Variants in NID1 observed in about 807,000 individuals in gnomAD.
NID1 encodes the protein nidogen-1.
A neutral mutation model predicts 130.6 loss-of-function variants in NID1; 76 were observed. That is an observed-to-expected ratio of 0.58 (90% confidence interval 0.48 to 0.70). The LOEUF is 0.70. Among genes scored for constraint, NID1 ranks in the 30% least tolerant of loss-of-function variants. The probability of loss-of-function intolerance (pLI) is 0.00; values close to 1 mark genes in which losing one functional copy is unlikely to be tolerated. For missense variants in NID1, 1,517 were observed against 1,664.8 expected, an observed-to-expected ratio of 0.91 and a Z score of 1.54; for synonymous variants, 665 against 675.1, an observed-to-expected ratio of 0.98 and a Z score of 0.23.
chr1:236,042,283 G>T lies in NID1; in HGVS notation c.762C>A (p.Asn254Lys), dbSNP rs746110127. ...ESVENLAKSS[N>K]SGQQGVWVFE... is the part of the protein sequence containing the mutation. Reference sequence around the variant, plus strand: ...ACACCCAGACACCCTGCTGCCCAGAGTTACTACTCCTAGGAGGAAGGACAG... The same window carrying T: ...ACACCCAGACACCCTGCTGCCCAGATTTACTACTCCTAGGAGGAAGGACAG... Residue 254 changes from asparagine (N) to lysine (K), a missense_variant, in exon 4 of 20, where the codon AAC (asparagine) becomes AAA (lysine). Asn to Lys is a moderately conservative substitution (Grantham distance 94). Around this residue, in one of 3 missense-constraint regions of NID1, gnomAD observed 1,329 missense variants for 1,429.2 expected, o/e 0.93. Transcript: ENST00000264187. The T allele has an allele frequency of 2.0e-5, 32 of 1,602,556 alleles. No individual in the cohort carries two copies. The highest frequency in any genetic ancestry group is 2.6e-5 in the Non-Finnish European group (31 of 1,179,676).
At chr1:236,029,459 G>T in intron 7 of NID1, 91 bp downstream of exon 7, 1 of 1,257,656 alleles carries the variant, frequency 8.0e-7, no homozygotes, top group South Asian at 1.3e-5. Context: ...AGATCCCAGA[G>T]ACAGCCCCAG....
intron 4 of NID1, among the ~76,000 whole-genome samples, chr1:236,040,662 C>CT (rs36050664): frequency 0.27 from 38,423 of 143,246 alleles, 5,148 homozygotes; most frequent in Admixed American, 0.36. Context: ...GTTGGAACAT[C>CT]TTTTTTTTTT....
chr1:236,002,430 G>A (rs920940128), intron 12 of NID1, among the ~76,000 whole-genome samples: 1 of 152,204 alleles, frequency 6.6e-6, no homozygotes, highest in African/African-American at 2.4e-5. Context: ...TTGAACCCGG[G>A]AGGCGGAGGT....
rs528792540 is a variant in NID1, at chr1:235,985,585, T to C, written c.2929-80A>G. On this transcript the variant is annotated intron_variant, in intron 14 of 19. Transcript: ENST00000264187. ...GAATCTTTTTGCGTGCCTACAGGCA[T>C]TTGGATATCTTTTGTAATGAAGTGT... The C allele has an allele frequency of 9.2e-5, 137 of 1,484,312 alleles. No individual in the cohort carries two copies. In the African/African-American group the frequency reaches 1.7e-3, roughly 18 times the overall value. The allele number at this position is 1,484,312 out of a possible 1,614,324, so 91.9% of individuals were successfully genotyped here.
At position 236,034,976 on chromosome 1, in the gene NID1, T is replaced by C. The variant is rs577739086; in HGVS notation, c.1286-2324A>G. 2.4e-3 allele frequency among the ~76,000 whole-genome samples: 278 copies of C among 113,588 alleles called. 2 individuals are homozygous for C. The highest frequency in any genetic ancestry group is 0.019 in the South Asian group (71 of 3,806). 74.5% of individuals were successfully genotyped at this position (113,588 alleles called of 152,430 possible). On this transcript the variant is annotated intron_variant, in intron 5 of 19. Transcript: ENST00000264187. The stretch of plus-strand genomic sequence containing the variant: ...CACAGGTTCTCGGCAGAGTTTTCTT[T>C]TTTTTTTCTTTCTTTCTTTCTTTTT...
At chr1:236,041,177 C>G (rs948816260) in intron 4 of NID1, among the ~76,000 whole-genome samples, 1 of 152,160 alleles carries the variant, frequency 6.6e-6, no homozygotes, top group Non-Finnish European at 1.5e-5. Context: ...AAGCAATCCT[C>G]CTGCCTCAGC....
chr1:236,024,307 G>GA, intron 8 of NID1, 94 bp from the exon 9 acceptor site: 2 of 1,451,716 alleles, frequency 1.4e-6, no homozygotes, highest in Admixed American at 4.0e-5. Flanking sequence ...TGGTGAGCAA[G>GA]AAGGTGATCA....
At chr1:236,015,604 G>A (rs1024388967) in intron 10 of NID1, among the ~76,000 whole-genome samples, 8 of 136,236 alleles carry the variant, frequency 5.9e-5, no homozygotes, top group Admixed American at 8.3e-5. Context: ...CCAAGATCGC[G>A]CCATTGCACT....
Position 236,065,076 on chromosome 1 carries a change from A to G in NID1, c.4T>C (p.Leu2=), listed in dbSNP as rs1232792494. ...GCCCGGATCCGGCTGCTCGAGGCCA[A>G]CATGTTCCCGAACTGCGGTCCCGCA... is the stretch of plus-strand genomic sequence containing the variant. The part of the protein sequence containing the change: M[L]ASSSRIRAAW... The change falls in exon 1 of 20, where the codon TTG becomes CTG. Residue 2 remains leucine (L), a synonymous_variant. Transcript: ENST00000264187. This position sits in a 1 kb window ranked among gnomAD's most constrained non-coding sequence, Gnocchi z 4.1. 3.9e-6 allele frequency: 6 copies of G among 1,549,896 alleles called. No homozygotes were observed. The highest frequency in any genetic ancestry group is 3.5e-6 in the Non-Finnish European group (4 of 1,146,718).
chr1:236,000,932 T>C lies in NID1; in HGVS notation c.2528-7060A>G, dbSNP rs1035619575. Among the ~76,000 whole-genome samples, 4 of 152,220 alleles carry C rather than the reference T, an allele frequency of 2.6e-5. No homozygotes were observed. The East Asian group carries it at 7.7e-4, about 29-fold the overall frequency. ...CCCATGGGCTACTCAGAATGGAACTTGTTTGGGAAGGTGCTATTTATTCAG... is the reference window on the plus strand; with the variant it reads ...CCCATGGGCTACTCAGAATGGAACTCGTTTGGGAAGGTGCTATTTATTCAG... On this transcript the variant is annotated intron_variant, in intron 12 of 19. Coordinates refer to ENST00000264187, the MANE Select transcript of NID1 (RefSeq NM_002508.3).
chr1:235,998,569 G>A (rs1477540797), intron 12 of NID1, among the ~76,000 whole-genome samples: 9 of 152,026 alleles, frequency 5.9e-5, no homozygotes, highest in Admixed American at 5.9e-4. Context: ...CAGCTACTCG[G>A]GAGGCTGAGG....
intron 14 of NID1, among the ~76,000 whole-genome samples, chr1:235,988,765 C>T (rs139528118): frequency 3.3e-5 from 5 of 152,144 alleles, no homozygotes; most frequent in Non-Finnish European, 5.9e-5. Context: ...ATGCCAGACA[C>T]GAATGACAAA....
chr1:236,001,393 C>T (rs6700870), intron 12 of NID1, among the ~76,000 whole-genome samples: 35,666 of 152,082 alleles, frequency 0.23, 5,123 homozygotes, highest in Non-Finnish European at 0.33. Context: ...GCTTGAGCCA[C>T]CACGCCCAGC....
Position 236,041,957 on chromosome 1 carries a change from TG to T in NID1, c.1087del (p.Gln363SerfsTer6). The T allele has an allele frequency of 6.2e-7, 1 of 1,614,036 alleles. No homozygotes were observed. Among genetic ancestry groups the T allele is most frequent in the Non-Finnish European group, 8.5e-7 (1 of 1,179,978 alleles). On this transcript the variant is annotated frameshift_variant, in exon 4 of 20. Coordinates refer to ENST00000264187, the MANE Select transcript of NID1 (RefSeq NM_002508.3). LOFTEE classifies it high-confidence loss of function. ...FQLAVETFHQ[Q>X]HPQVIDVDEV... is the part of the protein sequence containing the mutation. Reference sequence around the variant, plus strand: ...ATCCACATCTATGACCTGAGGGTGCTGCTGGTGAAAAGTCTCCACTGCCAAC... The same window carrying T: ...ATCCACATCTATGACCTGAGGGTGCTCTGGTGAAAAGTCTCCACTGCCAAC...
Position 236,027,889 on chromosome 1 carries a change from G to A in NID1, c.1738+1661C>T, listed in dbSNP as rs77446246. Reference sequence around the variant, plus strand: ...AAAACGAAGGGATTCTTAACCTGGGGTTTAATGACCCACATATGAGTTCAT... The same window carrying A: ...AAAACGAAGGGATTCTTAACCTGGGATTTAATGACCCACATATGAGTTCAT... On this transcript the variant is annotated intron_variant, in intron 7 of 19. Coordinates refer to ENST00000264187, the MANE Select transcript of NID1 (RefSeq NM_002508.3). Among the ~76,000 whole-genome samples, 533 of 152,080 alleles carry A rather than the reference G, an allele frequency of 3.5e-3. 10 individuals carry two copies. In the East Asian group the frequency reaches 0.069, roughly 20 times the overall value.
chr1:235,975,982 A>C lies in NID1; in HGVS notation c.*1885T>G, dbSNP rs919878721. On this transcript the variant is annotated 3_prime_UTR_variant, in exon 20 of 20. Transcript: ENST00000264187. ...GAATTTACCATTAAAAAATTTTAGA[A>C]TAAATCTAATAAAATGAATAAAATA... is the stretch of plus-strand genomic sequence containing the variant. The C allele has an allele frequency of 3.3e-5, 5 of 152,664 alleles. No homozygotes were observed. The allele number at this position is 152,664 out of a possible 1,614,324, so 9.5% of individuals were successfully genotyped here. A position where few individuals can be genotyped will look rare whatever the true frequency, so the allele number is the denominator to read the frequency against.
chr1:235,995,420 G>T (rs1657892928), intron 12 of NID1, among the ~76,000 whole-genome samples: 1 of 152,164 alleles, frequency 6.6e-6, no homozygotes, highest in Admixed American at 6.5e-5. Flanking sequence ...TACTTCTAAA[G>T]CTGTGGAATT....
At chr1:236,041,534 T>C (rs1415019998) in intron 4 of NID1, among the ~76,000 whole-genome samples, 1 of 152,132 alleles carries the variant, frequency 6.6e-6, no homozygotes, top group African/African-American at 2.4e-5. Context: ...CAAAAGAACT[T>C]CTAAAATGTT....
chr1:235,995,835 C>A (rs1427686859), intron 12 of NID1, among the ~76,000 whole-genome samples: 1 of 152,184 alleles, frequency 6.6e-6, no homozygotes, highest in East Asian at 1.9e-4. Context: ...GTTTATCTCT[C>A]TGGAAAAAAT....
Sources: allele counts gnomAD v4.1 joint callset (sites outside exome capture counted in the v4.1 genomes callset), GRCh38; gene constraint gnomAD v4.1.1; regional missense constraint gnomAD v4.1.1; non-coding constraint Gnocchi (gnomAD v3.1); transcripts MANE v1.5; gene names NCBI Gene and HGNC (gene_info 2026-07-23, HGNC 2026-07-21).